Variants in TRMT2B observed in about 807,000 individuals in gnomAD.
The protein encoded by TRMT2B is tRNA methyltransferase 2B.
In TRMT2B, 34 loss-of-function variants were observed where a neutral mutation model predicts 39.7. The observed-to-expected ratio is 0.86, with a 90% confidence interval of 0.65 to 1.14. TRMT2B has a LOEUF of 1.14. Ranked by LOEUF, TRMT2B falls within the 50% of genes most tolerant of loss-of-function variation. The probability of loss-of-function intolerance (pLI) is 0.00; values close to 1 mark genes in which losing one functional copy is unlikely to be tolerated. For missense variants in TRMT2B, 318 were observed against 377.2 expected, an observed-to-expected ratio of 0.84 and a Z score of 1.30; for synonymous variants, 132 against 137.3, an observed-to-expected ratio of 0.96 and a Z score of 0.27.
intron 7 of TRMT2B, among the ~76,000 whole-genome samples, chrX:101,030,454 C>CCTTTTTTTTTTT (rs1417481072): frequency 1.4e-5 from 1 of 71,863 alleles, no homozygotes; most frequent in African/African-American, 6.6e-5. Flanking sequence ...GATCTGCATT[C>CCTTTTTTTTTTT]TTTTTTTTTT....
chrX:101,027,103 T>G (rs1362197031), intron 7 of TRMT2B, among the ~76,000 whole-genome samples: 1 of 111,757 alleles, frequency 8.9e-6, no homozygotes, highest in African/African-American at 3.2e-5. Flanking sequence ...CTCCTTGTTA[T>G]GAAATCCAAT....
chrX:101,010,522 C>A lies in TRMT2B; in HGVS notation c.*59G>T. On this transcript the variant is annotated 3_prime_UTR_variant, in exon 14 of 14. Transcript: ENST00000372936. Reference sequence around the variant, plus strand: ...GTCTGCAATGTAGCAATATGCCAAACCTGAAAGTTTCTGAAACTTCAGCCT... The same window carrying A: ...GTCTGCAATGTAGCAATATGCCAAAACTGAAAGTTTCTGAAACTTCAGCCT... 2 of 1,189,096 alleles carry A rather than the reference C, an allele frequency of 1.7e-6. No individual in the cohort carries two copies. The highest frequency in any genetic ancestry group is 2.2e-5 in the Admixed American group (1 of 45,053).
Position 101,034,145 on chromosome X carries a change from A to ATT in TRMT2B, c.609+1466_609+1467dup, listed in dbSNP as rs59939763. Among the ~76,000 whole-genome samples the ATT allele has an allele frequency of 5.2e-3, 464 of 89,755 alleles. 1 individual carries two copies. Among genetic ancestry groups the ATT allele is most frequent in the African/African-American group, 0.014 (334 of 24,222 alleles). The allele number at this position is 89,755 out of a possible 115,157, so 77.9% of individuals were successfully genotyped here. ...GCGTGAGCCACCGTGCCTGGCCTAC[A>ATT]TTTTTTTTTTTTTTGAGACATGGTC... On this transcript the variant is annotated intron_variant, in intron 7 of 13. Coordinates refer to ENST00000372936, the MANE Select transcript of TRMT2B (RefSeq NM_024917.6).
chrX:101,020,008 T>C (rs2086719588), intron 11 of TRMT2B, among the ~76,000 whole-genome samples: 1 of 111,620 alleles, frequency 9.0e-6, no homozygotes, highest in South Asian at 3.7e-4. Flanking sequence ...CAAGTGCTCT[T>C]CCTGCTATAT....
chrX:101,049,575 C>G (rs1008735270), intron 2 of TRMT2B, among the ~76,000 whole-genome samples: 1 of 104,753 alleles, frequency 9.5e-6, no homozygotes, highest in African/African-American at 3.5e-5. Context: ...GGGTGGATCA[C>G]TTGAGGTTAG....
chrX:100,987,587 T>C, the TRMT2B span: 45 of 1,195,794 alleles, frequency 3.8e-5, no homozygotes, highest in South Asian at 3.8e-4. Flanking sequence ...GATTTGCTGA[T>C]AAGAAAAGCT....
chrX:100,982,149 A>G, the TRMT2B span, among the ~76,000 whole-genome samples: 2 of 110,789 alleles, frequency 1.8e-5, no homozygotes, highest in African/African-American at 6.6e-5. Flanking sequence ...AAAAATCATG[A>G]TGCTTCAGCC....
chrX:101,026,077 G>T (rs2087065308), intron 7 of TRMT2B, among the ~76,000 whole-genome samples: 1 of 108,992 alleles, frequency 9.2e-6, no homozygotes, highest in South Asian at 4.0e-4. Flanking sequence ...AGGAAGGAAG[G>T]AAAGAAAGAA....
chrX:101,031,270 G>A (rs925667903), intron 7 of TRMT2B, among the ~76,000 whole-genome samples: 10 of 110,885 alleles, frequency 9.0e-5, no homozygotes, highest in East Asian at 2.9e-4. Context: ...CCACCACACC[G>A]GTCCTAAGGC....
At chrX:101,049,691 G>A (rs2088935961) in intron 2 of TRMT2B, among the ~76,000 whole-genome samples, 1 of 108,460 alleles carries the variant, frequency 9.2e-6, no homozygotes, top group Non-Finnish European at 1.9e-5. Context: ...TACTCAGCAG[G>A]CTGAGGCAGG....
At chrX:101,003,987 C>T in the TRMT2B span, among the ~76,000 whole-genome samples, 3 of 109,453 alleles carry the variant, frequency 2.7e-5, no homozygotes, top group African/African-American at 1.0e-4. Context: ...TGCACCACCA[C>T]GTCCAGCTAA....
chrX:101,008,063 A>G (rs925100460), downstream of TRMT2B, among the ~76,000 whole-genome samples: 2 of 111,621 alleles, frequency 1.8e-5, no homozygotes, highest in African/African-American at 6.5e-5. Flanking sequence ...ATTCATTAAG[A>G]CTGAGAATAG....
the TRMT2B span, among the ~76,000 whole-genome samples, chrX:101,001,768 G>T: frequency 8.2e-5 from 8 of 97,920 alleles, no homozygotes; most frequent in Non-Finnish European, 1.4e-4. Context: ...GAAAATAATT[G>T]AACTGAGCTT....
chrX:101,042,133 T>C lies in TRMT2B; in HGVS notation c.157A>G (p.Thr53Ala). 1 of 1,212,026 alleles carries C rather than the reference T, an allele frequency of 8.3e-7. No individual in the cohort carries two copies. Among genetic ancestry groups the C allele is most frequent in the South Asian group, 1.8e-5 (1 of 57,019 alleles). Residue 53 changes from threonine to alanine, a missense_variant, in exon 3 of 14, where the codon ACC (threonine) becomes GCC (alanine). Physicochemically the swap from Thr to Ala is moderately conservative, Grantham distance 58. Transcript: ENST00000372936. The part of the protein sequence containing the change: ...FLGTVCKGDF[T>A]RVIATKCQKG... The stretch of plus-strand genomic sequence containing the variant: ...TGACATTTCGTGGCTATCACACGGG[T>C]GAAATCTCCCTTACATACTGTGCCC...
At chrX:101,021,075 A>T in intron 10 of TRMT2B, 26 bp downstream of exon 10, 1 of 1,194,270 alleles carries the variant, frequency 8.4e-7, no homozygotes, top group Non-Finnish European at 1.1e-6. Flanking sequence ...AGCAGCATGC[A>T]GATTCTGCCC....
the TRMT2B span, among the ~76,000 whole-genome samples, chrX:100,980,146 G>A: frequency 9.0e-6 from 1 of 111,518 alleles, no homozygotes; most frequent in Non-Finnish European, 1.9e-5. Flanking sequence ...TTAGTCAGTA[G>A]GTGATGAATC....
Position 101,021,317 on chromosome X carries a change from T to C in TRMT2B, c.852-2A>G. The C allele has an allele frequency of 8.4e-7, 1 of 1,197,077 alleles. No homozygotes were observed. The highest frequency in any genetic ancestry group is 1.1e-6 in the Non-Finnish European group (1 of 886,252). ...TGATGGCTGCAACGGGTCATGGTAC[T>C]GGAAAGGAATAAAAGAAGAAAGCAT... On this transcript the variant is annotated splice_acceptor_variant, in intron 9 of 13. Coordinates refer to ENST00000372936, the MANE Select transcript of TRMT2B (RefSeq NM_024917.6). LOFTEE classifies it high-confidence loss of function.
chrX:100,998,088 C>T, the TRMT2B span, among the ~76,000 whole-genome samples: 1 of 109,727 alleles, frequency 9.1e-6, no homozygotes, highest in Non-Finnish European at 1.9e-5. Flanking sequence ...AATCCCATCC[C>T]ATCTCTACTA....
chrX:100,982,469 A>AT, the TRMT2B span, among the ~76,000 whole-genome samples: 1 of 57,120 alleles, frequency 1.8e-5, no homozygotes, highest in African/African-American at 5.5e-5. Flanking sequence ...TCCAGGCTTA[A>AT]AAAATAAATA....
Sources: gnomAD v4.1 joint callset for allele counts (sites outside exome capture counted in the v4.1 genomes callset) on GRCh38, gnomAD v4.1.1 for gene constraint, MANE v1.5 for transcripts, NCBI Gene and HGNC (gene_info 2026-07-23, HGNC 2026-07-21) for gene names.